MAD1L1: variants seen among roughly 807,000 people sequenced by gnomAD.
The protein encoded by MAD1L1 is mitotic spindle assembly checkpoint protein MAD1.
In MAD1L1, 95 loss-of-function variants were observed where a neutral mutation model predicts 96.9. The observed-to-expected ratio is 0.98, with a 90% CI of 0.83 to 1.16. The LOEUF is 1.16. MAD1L1 is among the 50% of genes most tolerant of loss of function. The probability of loss-of-function intolerance (pLI) is 0.00; values close to 1 mark genes in which losing one functional copy is unlikely to be tolerated. For missense variants in MAD1L1, 1,007 were observed against 954.4 expected, an observed-to-expected ratio of 1.06 and a Z score of -0.73; for synonymous variants, 473 against 396.6, an observed-to-expected ratio of 1.19 and a Z score of -2.29.
In MAD1L1 at chr7:1,995,560, C is replaced by G. The variant is rs1055999997; in HGVS notation, c.1416+6505G>C. Among the ~76,000 whole-genome samples, 7 of 152,196 alleles carry G rather than the reference C, an allele frequency of 4.6e-5. No homozygotes were observed. The East Asian group carries it at 1.2e-3, about 25-fold the overall frequency. ...GGGCGCAGGAGCCCCAGGCGGGGGG[C>G]CCAGGAGAGGCCGCCTCCAGGGCTG... On this transcript the variant is annotated intron_variant, in intron 14 of 18. Transcript: ENST00000265854.
At chr7:1,909,905 C>T (rs1193413162) in intron 17 of MAD1L1, among the ~76,000 whole-genome samples, 7 of 152,186 alleles carry the variant, frequency 4.6e-5, no homozygotes, top group Non-Finnish European at 8.8e-5. Context: ...GAATTACACA[C>T]GGAGGAGCCG....
intron 11 of MAD1L1, among the ~76,000 whole-genome samples, chr7:2,091,057 A>G (rs886248496): frequency 6.6e-6 from 1 of 151,848 alleles, no homozygotes; most frequent in East Asian, 1.9e-4. Context: ...ACTCCACTTC[A>G]TTTTCTTGCT....
chr7:1,899,073 G>A (rs776233021), intron 17 of MAD1L1, among the ~76,000 whole-genome samples: 4 of 152,176 alleles, frequency 2.6e-5, no homozygotes, highest in Admixed American at 6.5e-5. Flanking sequence ...GACGACAGCC[G>A]GCACCCCCAG....
intron 15 of MAD1L1, among the ~76,000 whole-genome samples, chr7:1,975,383 G>A (rs568198646): frequency 6.6e-6 from 1 of 152,216 alleles, no homozygotes; most frequent in African/African-American, 2.4e-5. Context: ...CCAGCCAGCA[G>A]GTTCTCCACG....
chr7:1,842,013 C>A (rs1322870859), intron 18 of MAD1L1, among the ~76,000 whole-genome samples: 1 of 152,328 alleles, frequency 6.6e-6, no homozygotes, highest in East Asian at 1.9e-4. Flanking sequence ...CGCCACTTAC[C>A]CTCCGGCGTC....
At chr7:2,164,596 G>GC (rs1790330988) in intron 10 of MAD1L1, among the ~76,000 whole-genome samples, 2 of 125,964 alleles carry the variant, frequency 1.6e-5, no homozygotes, top group Non-Finnish European at 3.3e-5. Context: ...GGAAAAATGG[G>GC]GGGGGGGGGG....
At chr7:1,886,986 G>GACC (rs1205962449) in intron 18 of MAD1L1, among the ~76,000 whole-genome samples, 1 of 152,272 alleles carries the variant, frequency 6.6e-6, no homozygotes, top group Non-Finnish European at 1.5e-5. Flanking sequence ...GGCTGTCAGT[G>GACC]ACCGCATGGC....
intron 10 of MAD1L1, among the ~76,000 whole-genome samples, chr7:2,207,929 G>A (rs1202554193): frequency 6.6e-6 from 1 of 152,172 alleles, no homozygotes; most frequent in South Asian, 2.1e-4. Flanking sequence ...TCCAGGTGGA[G>A]AGTGTGCAGA....
intron 17 of MAD1L1, among the ~76,000 whole-genome samples, chr7:1,908,127 G>C (rs1787787797): frequency 6.6e-6 from 1 of 152,248 alleles, no homozygotes; most frequent in Non-Finnish European, 1.5e-5. Context: ...CCAGCTCAAA[G>C]GTTGGGATTC....
chr7:2,127,460 G>A lies in MAD1L1; in HGVS notation c.1073+21692C>T, dbSNP rs1543888. On this transcript the variant is annotated intron_variant, in intron 11 of 18. Transcript: ENST00000265854. ...TGGACACACAGCCTCTTGGGAAGCT[G>A]CTTCGTGCTGTGCCACGGAGGAGCA... 3.1e-3 allele frequency among the ~76,000 whole-genome samples: 477 copies of A among 152,342 alleles called. 2 individuals carry two copies. The highest frequency in any genetic ancestry group is 0.011 in the African/African-American group (461 of 41,580).
intron 18 of MAD1L1, among the ~76,000 whole-genome samples, chr7:1,887,619 G>A (rs1410869670): frequency 6.6e-6 from 1 of 150,404 alleles, no homozygotes; most frequent in Non-Finnish European, 1.5e-5. Context: ...GGCTGCCTGT[G>A]CATGGGCATG....
intron 8 of MAD1L1, 74 bp downstream of exon 8, chr7:2,216,083 T>C (rs1272341443): frequency 1.2e-6 from 2 of 1,609,144 alleles, no homozygotes; most frequent in African/African-American, 1.3e-5. Flanking sequence ...CCCTACAGGG[T>C]CTGCACAGTG....
intron 13 of MAD1L1, 47 bp from the exon 14 acceptor site, chr7:2,002,168 C>T (rs770177486): frequency 6.3e-7 from 1 of 1,587,646 alleles, no homozygotes; most frequent in South Asian, 1.1e-5. Context: ...TGGGCCAGGC[C>T]CCATTTCTAG....
chr7:1,956,797 T>TCACCCACACC (rs1779747493), intron 16 of MAD1L1, among the ~76,000 whole-genome samples: 1 of 152,192 alleles, frequency 6.6e-6, no homozygotes, highest in South Asian at 2.1e-4. Context: ...GGCACCGCAC[T>TCACCCACACC]CACCCACACC....
intron 17 of MAD1L1, among the ~76,000 whole-genome samples, chr7:1,921,489 C>T (rs1044656953): frequency 1.3e-5 from 2 of 152,004 alleles, no homozygotes; most frequent in Non-Finnish European, 2.9e-5. Flanking sequence ...CCACGCCTGG[C>T]GTTTTGTGTT....
At chr7:1,843,229 G>A (rs1445997026) in intron 18 of MAD1L1, among the ~76,000 whole-genome samples, 3 of 152,210 alleles carry the variant, frequency 2.0e-5, no homozygotes, top group Non-Finnish European at 4.4e-5. Flanking sequence ...GCAGAATGAT[G>A]CTCTTTCTGG....
chr7:1,895,179 G>A (rs541817813), intron 18 of MAD1L1, among the ~76,000 whole-genome samples: 31 of 152,324 alleles, frequency 2.0e-4, no homozygotes, highest in Non-Finnish European at 3.5e-4. Flanking sequence ...AGGGAAAACC[G>A]CAGACACAAG....
rs773431445 is a variant in MAD1L1 at position 1,816,132 on chromosome 7, T to G, written c.2095A>C (p.Ser699Arg). Residue 699 changes from serine (S) to arginine (R), a missense_variant, in exon 19 of 19, where the codon AGC becomes CGC. Physicochemically the swap from Ser to Arg is moderately radical, Grantham distance 110. Transcript: ENST00000265854. ...AGCGAGCTGAGGAAGGCAGGGATGCTGTCCTGGCGCCGCAGGTGCACCTCG... is the reference window on the plus strand; with the variant it reads ...AGCGAGCTGAGGAAGGCAGGGATGCGGTCCTGGCGCCGCAGGTGCACCTCG... The part of the protein sequence containing the change: ...LIEVHLRRQD[S>R]IPAFLSSLTL... 1 of 1,613,084 alleles carries G rather than the reference T, an allele frequency of 6.2e-7. No homozygotes were observed. Among genetic ancestry groups the G allele is most frequent in the South Asian group, 1.1e-5 (1 of 91,042 alleles).
At chr7:2,092,970 G>A (rs2128546068) in intron 11 of MAD1L1, among the ~76,000 whole-genome samples, 1 of 152,122 alleles carries the variant, frequency 6.6e-6, no homozygotes, top group South Asian at 2.1e-4. Context: ...GAGTGCAGTG[G>A]CTCACACCTG....
Sources: allele counts gnomAD v4.1 joint callset (sites outside exome capture counted in the v4.1 genomes callset), GRCh38; gene constraint gnomAD v4.1.1; transcripts MANE v1.5; gene names NCBI Gene and HGNC (gene_info 2026-07-23, HGNC 2026-07-21).